GRIK1: variants seen among roughly 807,000 people sequenced by gnomAD.
The protein encoded by GRIK1 is glutamate receptor ionotropic, kainate 1.
Under a neutral mutation model 105.7 loss-of-function variants are expected in GRIK1, and 69 were observed. The observed-to-expected ratio is 0.65, with a 90% CI of 0.54 to 0.80. The LOEUF is 0.80. Among genes scored for constraint, GRIK1 ranks in the 30% least tolerant of loss-of-function variants. The pLI, the probability that GRIK1 is intolerant of heterozygous loss-of-function variation, is 0.00. For missense variants in GRIK1, 1,109 were observed against 1,167.3 expected, an observed-to-expected ratio of 0.95 and a Z score of 0.73; for synonymous variants, 438 against 431.3, an observed-to-expected ratio of 1.02 and a Z score of -0.19.
chr21:29,875,776 T>C (rs1390973598), intron 1 of GRIK1, among the ~76,000 whole-genome samples: 1 of 152,200 alleles, frequency 6.6e-6, no homozygotes, highest in East Asian at 1.9e-4. Context: ...GAAATATCCA[T>C]CGGGATTTTG....
At chr21:29,890,945 C>T (rs2069874157) in intron 1 of GRIK1, among the ~76,000 whole-genome samples, 1 of 152,166 alleles carries the variant, frequency 6.6e-6, no homozygotes, top group Non-Finnish European at 1.5e-5. Context: ...AGATCACCAT[C>T]ACCTATAAAT....
chr21:29,715,642 A>G (rs1246915390), intron 1 of GRIK1, among the ~76,000 whole-genome samples: 2 of 150,142 alleles, frequency 1.3e-5, no homozygotes, highest in African/African-American at 2.5e-5. Context: ...GGCCATAGTC[A>G]CATCACAGAG....
At chr21:29,670,531 C>T (rs376714477) in intron 4 of GRIK1, among the ~76,000 whole-genome samples, 2 of 152,228 alleles carry the variant, frequency 1.3e-5, no homozygotes, top group South Asian at 2.1e-4. Context: ...CCTTCCCTGC[C>T]GCCACCATAC....
chr21:29,723,120 G>A (rs2064363262), intron 1 of GRIK1, among the ~76,000 whole-genome samples: 2 of 152,142 alleles, frequency 1.3e-5, no homozygotes, highest in Admixed American at 1.3e-4. Flanking sequence ...TTCAAGACCA[G>A]CCTGGGCAAC....
intron 1 of GRIK1, among the ~76,000 whole-genome samples, chr21:29,913,131 C>T (rs1471033650): frequency 1.3e-5 from 2 of 151,904 alleles, no homozygotes; most frequent in Non-Finnish European, 2.9e-5. Flanking sequence ...GTCCAAAGCA[C>T]CTGTGTTGCC....
At chr21:29,545,200 G>A (rs2090032063) in intron 16 of GRIK1, among the ~76,000 whole-genome samples, 1 of 152,258 alleles carries the variant, frequency 6.6e-6, no homozygotes, top group Non-Finnish European at 1.5e-5. Context: ...TATGAGCAGA[G>A]AACAGAGAGA....
chr21:29,792,110 T>TATAGTATATATTAATAA (rs2066434779), intron 1 of GRIK1, among the ~76,000 whole-genome samples: 1 of 152,178 alleles, frequency 6.6e-6, no homozygotes, highest in Non-Finnish European at 1.5e-5. Flanking sequence ...TGTGTGTGTA[T>TATAGTATATATTAATAA]ATAGTATATA....
chr21:29,928,310 G>C (rs147387683), intron 1 of GRIK1, among the ~76,000 whole-genome samples: 1,525 of 152,290 alleles, frequency 0.01, 13 homozygotes, highest in Non-Finnish European at 0.015. Flanking sequence ...TACCACAGCA[G>C]TATTTACAGC....
At chr21:29,675,573 T>G (rs1481414725) in intron 3 of GRIK1, among the ~76,000 whole-genome samples, 3 of 152,188 alleles carry the variant, frequency 2.0e-5, no homozygotes, top group Non-Finnish European at 4.4e-5. Flanking sequence ...CTCACTTCTT[T>G]CATTTATTTT....
intron 14 of GRIK1, among the ~76,000 whole-genome samples, chr21:29,572,066 G>A (rs962718242): frequency 1.3e-5 from 2 of 152,208 alleles, no homozygotes; most frequent in African/African-American, 2.4e-5. Context: ...CACAGCAGAG[G>A]TGAAACATGT....
At chr21:29,853,859 G>A (rs1489562787) in intron 1 of GRIK1, among the ~76,000 whole-genome samples, 2 of 152,126 alleles carry the variant, frequency 1.3e-5, no homozygotes, top group Non-Finnish European at 2.9e-5. Flanking sequence ...CATGTCAGAG[G>A]GAGATAAGTT....
intron 1 of GRIK1, among the ~76,000 whole-genome samples, chr21:29,814,885 C>A (rs1173169667): frequency 1.3e-5 from 2 of 152,022 alleles, no homozygotes; most frequent in South Asian, 4.2e-4. Context: ...ATTCTGACAC[C>A]AGAAAGTCTT....
At chr21:29,682,206 C>T (rs1000831341) in intron 3 of GRIK1, among the ~76,000 whole-genome samples, 2 of 152,218 alleles carry the variant, frequency 1.3e-5, no homozygotes, top group Non-Finnish European at 2.9e-5. Flanking sequence ...AGAGGACTAG[C>T]TAAAGCTTCT....
At chr21:29,822,607 T>C (rs899539337) in intron 1 of GRIK1, among the ~76,000 whole-genome samples, 4 of 152,052 alleles carry the variant, frequency 2.6e-5, no homozygotes, top group Non-Finnish European at 5.9e-5. Flanking sequence ...GCACATCTTC[T>C]AGGAATTATC....
chr21:29,937,357 A>T (rs2071796434), intron 1 of GRIK1, among the ~76,000 whole-genome samples: 1 of 152,216 alleles, frequency 6.6e-6, no homozygotes, highest in South Asian at 2.1e-4. Context: ...CACATAAACA[A>T]CACCAGGCCA....
intron 4 of GRIK1, among the ~76,000 whole-genome samples, chr21:29,658,651 C>A (rs2062902383): frequency 6.6e-6 from 1 of 152,192 alleles, no homozygotes; most frequent in African/African-American, 2.4e-5. Flanking sequence ...CAACCCAGCC[C>A]TTTTGTTAAC....
At chr21:29,821,731 C>G (rs1446640760) in intron 1 of GRIK1, among the ~76,000 whole-genome samples, 1 of 151,968 alleles carries the variant, frequency 6.6e-6, no homozygotes, top group Non-Finnish European at 1.5e-5. Context: ...CAAATGGTGC[C>G]ATGTATGGTC....
chr21:29,553,206 C>G (rs892108941), intron 16 of GRIK1: 16 of 990,374 alleles, frequency 1.6e-5, no homozygotes, highest in Non-Finnish European at 1.9e-5. Flanking sequence ...GAATTAGCAT[C>G]GTGTTTCCAT....
At chr21:29,708,214 G>C (rs753070996) in intron 1 of GRIK1, among the ~76,000 whole-genome samples, 8 of 152,108 alleles carry the variant, frequency 5.3e-5, no homozygotes, top group African/African-American at 1.9e-4. Context: ...AGTTGCATCC[G>C]TTTGATTACT....
Sources: gnomAD v4.1 joint callset for allele counts (sites outside exome capture counted in the v4.1 genomes callset) on GRCh38, gnomAD v4.1.1 for gene constraint, MANE v1.5 for transcripts, NCBI Gene and HGNC (gene_info 2026-07-23, HGNC 2026-07-21) for gene names.